Variants in RBFOX3 observed in about 807,000 individuals in gnomAD.
The protein encoded by RBFOX3 is RNA binding protein fox-1 homolog 3.
RBFOX3 carries 17 observed loss-of-function variants against 48.7 expected under a neutral mutation model. That is an observed-to-expected ratio of 0.35 (90% CI 0.24 to 0.52). RBFOX3 has a LOEUF of 0.52. RBFOX3 is among the 20% of genes least tolerant of loss of function. The pLI, the probability that RBFOX3 is intolerant of heterozygous loss-of-function variation, is 0.94. For synonymous variants in RBFOX3, 212 were observed against 209.5 expected, an observed-to-expected ratio of 1.01 and a Z score of -0.10; for missense variants, 382 against 497.5, an observed-to-expected ratio of 0.77 and a Z score of 2.21.
At chr17:79,180,470 T>C (rs1368414067) in intron 4 of RBFOX3, among the ~76,000 whole-genome samples, 2 of 152,190 alleles carry the variant, frequency 1.3e-5, no homozygotes, top group Non-Finnish European at 2.9e-5. Flanking sequence ...AGCCTACATA[T>C]GGTGCCAACA....
intron 4 of RBFOX3, among the ~76,000 whole-genome samples, chr17:79,179,048 C>G (rs1315325459): frequency 6.6e-6 from 1 of 152,168 alleles, no homozygotes; most frequent in Non-Finnish European, 1.5e-5. Flanking sequence ...TTCCTGGAAT[C>G]CCACCAAGTC....
chr17:79,258,187 C>T (rs1364195515), intron 3 of RBFOX3, among the ~76,000 whole-genome samples: 1 of 152,188 alleles, frequency 6.6e-6, no homozygotes, highest in Non-Finnish European at 1.5e-5. Context: ...GGTTGGTCCT[C>T]CGCGGTGAAT....
chr17:79,259,126 G>A (rs2065331991), intron 3 of RBFOX3, among the ~76,000 whole-genome samples: 2 of 152,252 alleles, frequency 1.3e-5, no homozygotes, highest in Non-Finnish European at 1.5e-5. Context: ...TAGGGATGAC[G>A]ACAGCAGAGC....
rs540913501 is a variant in RBFOX3 at position 79,358,847 on chromosome 17, G to C, written c.-174-51023C>G. Among the ~76,000 whole-genome samples, 4 of 152,288 alleles carry C rather than the reference G, an allele frequency of 2.6e-5. No homozygotes were observed. The South Asian group carries it at 8.3e-4, about 32-fold the overall frequency. Reference sequence around the variant, plus strand: ...TTCCATTTCGCCATCAGGATCCCTGGGTTTCTCATGTGTATCAGCTCTACC... The same window carrying C: ...TTCCATTTCGCCATCAGGATCCCTGCGTTTCTCATGTGTATCAGCTCTACC... On this transcript the variant is annotated intron_variant, in intron 2 of 14. Coordinates refer to ENST00000693108, the MANE Select transcript of RBFOX3 (RefSeq NM_001350451.2).
intron 4 of RBFOX3, among the ~76,000 whole-genome samples, chr17:79,125,214 G>A (rs1350178915): frequency 1.3e-5 from 2 of 152,210 alleles, no homozygotes; most frequent in African/African-American, 4.8e-5. Context: ...TGAGCAGGTT[G>A]GGGCTGTGGC....
the RBFOX3 span, among the ~76,000 whole-genome samples, chr17:79,655,524 T>C: frequency 6.6e-6 from 1 of 152,226 alleles, no homozygotes; most frequent in East Asian, 1.9e-4. Context: ...AGTTTTACCT[T>C]CTAATTTTGG....
In RBFOX3 at chr17:79,361,730, G is replaced by A. The variant is rs2086396730; in HGVS notation, c.-174-53906C>T. ...CAAGGTCATGTGTGTGTGCACACGTGTGTGCGCTGTGCAGGGGTACCCAGT... is the reference window on the plus strand; with the variant it reads ...CAAGGTCATGTGTGTGTGCACACGTATGTGCGCTGTGCAGGGGTACCCAGT... On this transcript the variant is annotated intron_variant, in intron 2 of 14. Transcript: ENST00000693108. This position sits in a 1 kb window ranked among gnomAD's most constrained non-coding sequence, Gnocchi z 4.5. 6.6e-6 allele frequency among the ~76,000 whole-genome samples: 1 copy of A among 152,234 alleles called. No individual in the cohort carries two copies. Among genetic ancestry groups the A allele is most frequent in the Non-Finnish European group, 1.5e-5 (1 of 68,044 alleles).
At chr17:79,451,212 C>T (rs1020844858) in intron 2 of RBFOX3, among the ~76,000 whole-genome samples, 4 of 152,118 alleles carry the variant, frequency 2.6e-5, no homozygotes, top group Non-Finnish European at 4.4e-5. Context: ...TATCTAAACA[C>T]CTGAGTAGTA....
the RBFOX3 span, among the ~76,000 whole-genome samples, chr17:79,641,655 AC>A: frequency 6.6e-6 from 1 of 152,230 alleles, no homozygotes; most frequent in Non-Finnish European, 1.5e-5. Context: ...TTGCAACAAC[AC>A]AAATGAACCT....
intron 1 of RBFOX3, among the ~76,000 whole-genome samples, chr17:79,510,657 A>T (rs2084002853): frequency 6.6e-6 from 1 of 152,168 alleles, no homozygotes; most frequent in African/African-American, 2.4e-5. Context: ...GCCTGCGCTC[A>T]CCTCAGAACC....
At chr17:79,156,034 C>T (rs761353771) in intron 4 of RBFOX3, among the ~76,000 whole-genome samples, 7 of 152,230 alleles carry the variant, frequency 4.6e-5, no homozygotes, top group Non-Finnish European at 1.0e-4. Flanking sequence ...TCAGCGGCCT[C>T]GTCCCTCGGC....
At chr17:79,426,966 A>G (rs1568231277) in intron 2 of RBFOX3, among the ~76,000 whole-genome samples, 1 of 152,084 alleles carries the variant, frequency 6.6e-6, no homozygotes, top group Non-Finnish European at 1.5e-5. Flanking sequence ...GGCCTCCCAA[A>G]TTGCTAGGAT....
chr17:79,493,667 C>T (rs1429236743), intron 1 of RBFOX3, among the ~76,000 whole-genome samples: 1 of 152,224 alleles, frequency 6.6e-6, no homozygotes, highest in African/African-American at 2.4e-5. Context: ...TCATTTGTTT[C>T]TGTCTCAGCC....
At chr17:79,117,318 G>A (rs531441327) in intron 4 of RBFOX3, among the ~76,000 whole-genome samples, 128 of 152,316 alleles carry the variant, frequency 8.4e-4, no homozygotes, top group African/African-American at 2.7e-3. Context: ...AGGAGTCCGC[G>A]TCCTTGCTGA....
the RBFOX3 span, among the ~76,000 whole-genome samples, chr17:79,657,481 C>T: frequency 6.6e-6 from 1 of 152,156 alleles, no homozygotes; most frequent in African/African-American, 2.4e-5. Context: ...GAGTTCAAGG[C>T]CAGCCTGGCC....
the RBFOX3 span, among the ~76,000 whole-genome samples, chr17:79,620,653 ATG>A: frequency 0.92 from 131,664 of 142,650 alleles, 60,542 homozygotes; most frequent in Non-Finnish European, 0.99. Flanking sequence ...ACACACGGAC[ATG>A]CACACACGCA....
chr17:79,390,004 GCCTCC>G lies in RBFOX3; in HGVS notation c.-174-82185_-174-82181del, dbSNP rs2061149651. Among the ~76,000 whole-genome samples the G allele has an allele frequency of 2.1e-5, 2 of 96,816 alleles. No homozygotes were observed. The highest frequency in any genetic ancestry group is 6.6e-5 in the African/African-American group (2 of 30,174). The allele number at this position is 96,816 out of a possible 152,430, so 63.5% of individuals were successfully genotyped here. A position where few individuals can be genotyped will look rare whatever the true frequency, so the allele number is the denominator to read the frequency against. On this transcript the variant is annotated intron_variant, in intron 2 of 14. Transcript: ENST00000693108. This position sits in a 1 kb window ranked among gnomAD's most constrained non-coding sequence, Gnocchi z 4.2. ...TCTCCGCAGCCTCCAGGTCTCCGCA[GCCTCC>G]AGGTCTCCGCAGCCTCCAGGTCTCC...
intron 4 of RBFOX3, among the ~76,000 whole-genome samples, chr17:79,224,646 G>A (rs1356591239): frequency 1.3e-5 from 2 of 152,202 alleles, no homozygotes; most frequent in Non-Finnish European, 2.9e-5. Flanking sequence ...CAGCTTGGAG[G>A]GCAGCCACTT....
chr17:79,349,570 C>T (rs1258288493), intron 2 of RBFOX3, among the ~76,000 whole-genome samples: 1 of 152,090 alleles, frequency 6.6e-6, no homozygotes, highest in Non-Finnish European at 1.5e-5. Context: ...TTTCCCTGAC[C>T]ATGGTGACCA....
Sources: gnomAD v4.1 joint callset for allele counts (sites outside exome capture counted in the v4.1 genomes callset) on GRCh38, gnomAD v4.1.1 for gene constraint, Gnocchi (gnomAD v3.1) non-coding constraint, MANE v1.5 for transcripts, NCBI Gene and HGNC (gene_info 2026-07-23, HGNC 2026-07-21) for gene names.